Variants in RPS6KA2 observed in about 807,000 individuals in gnomAD.
RPS6KA2 encodes ribosomal protein S6 kinase alpha-2.
In RPS6KA2, 42 loss-of-function variants were observed where a neutral mutation model predicts 91.8. The observed-to-expected ratio is 0.46, with a 90% confidence interval of 0.36 to 0.59. The LOEUF is 0.59. Ranked by LOEUF, RPS6KA2 falls within the 20% of genes least tolerant of loss-of-function variation. The pLI is 0.00. For missense variants in RPS6KA2, 798 were observed against 978.5 expected (o/e 0.82, Z 2.46); for synonymous variants, 414 against 393.6 (o/e 1.05, Z -0.61).
In RPS6KA2 at chr6:166,553,673, T is replaced by C. The variant is rs143237702; in HGVS notation, c.100-14889A>G. Among the ~76,000 whole-genome samples, 301 of 152,182 alleles carry C rather than the reference T, an allele frequency of 2.0e-3. 1 individual carries two copies. The highest frequency in any genetic ancestry group is 7.0e-3 in the African/African-American group (291 of 41,512). ...AGTCAGCCCTGACTCAATGCTCACA[T>C]ATTATCACACGTGCGGCTCATCCCA... On this transcript the variant is annotated intron_variant, in intron 1 of 20. Transcript: ENST00000265678.
chr6:166,417,348 TC>T (rs1420315093), intron 19 of RPS6KA2, among the ~76,000 whole-genome samples: 2 of 152,202 alleles, frequency 1.3e-5, no homozygotes, highest in Non-Finnish European at 2.9e-5. Context: ...AAGGTGTTTT[TC>T]AGGATGTGGT....
At chr6:166,476,294 C>A (rs1269516017) in intron 10 of RPS6KA2, among the ~76,000 whole-genome samples, 1 of 152,200 alleles carries the variant, frequency 6.6e-6, no homozygotes, top group African/African-American at 2.4e-5. Flanking sequence ...GAGCTTGGAC[C>A]TCTGGCCTCC....
chr6:166,516,156 T>A (rs1486567360), intron 3 of RPS6KA2, among the ~76,000 whole-genome samples: 1 of 152,204 alleles, frequency 6.6e-6, no homozygotes, highest in Non-Finnish European at 1.5e-5. Context: ...ACTTTTTAAA[T>A]TAACTGAGAC....
At chr6:166,679,443 A>G (rs1348017194) in intron 2 of RPS6KA2, among the ~76,000 whole-genome samples, 1 of 152,160 alleles carries the variant, frequency 6.6e-6, no homozygotes, top group Non-Finnish European at 1.5e-5. Context: ...CAGCCTGGGC[A>G]ACAGAGTGAG....
Position 166,554,538 on chromosome 6 carries a change from A to G in RPS6KA2, c.100-15754T>C, listed in dbSNP as rs566333270. 6.6e-6 allele frequency among the ~76,000 whole-genome samples: 1 copy of G among 152,302 alleles called. No individual in the cohort carries two copies. Among genetic ancestry groups the G allele is most frequent in the Non-Finnish European group, 1.5e-5 (1 of 68,022 alleles). ...GTGCATCCTGTGTGGGGACAGAGAGAAACATTCAGGGACAAAACCTAAGTC... is the reference window on the plus strand; with the variant it reads ...GTGCATCCTGTGTGGGGACAGAGAGGAACATTCAGGGACAAAACCTAAGTC... On this transcript the variant is annotated intron_variant, in intron 1 of 20. Coordinates refer to ENST00000265678, the MANE Select transcript of RPS6KA2 (RefSeq NM_021135.6). This position sits in a 1 kb window ranked among gnomAD's most constrained non-coding sequence, Gnocchi z 4.3.
Position 166,831,652 on chromosome 6 carries a change from T to A in RPS6KA2, c.123+26548A>T, listed in dbSNP as rs138793360. 6.6e-5 allele frequency among the ~76,000 whole-genome samples: 10 copies of A among 151,550 alleles called. No homozygotes were observed. In the East Asian group the frequency reaches 1.9e-3, roughly 29 times the overall value. On this transcript the variant is annotated intron_variant, in intron 2 of 21. Coordinates refer to the RPS6KA2 transcript ENST00000503859. Reference sequence around the variant, plus strand: ...TCACCTTCCCTGGGCCTGGGCTCGGTAGCAAAAGACCACAGAGAGAAATTC... The same window carrying A: ...TCACCTTCCCTGGGCCTGGGCTCGGAAGCAAAAGACCACAGAGAGAAATTC...
chr6:166,711,279 G>A (rs1014240008), intron 2 of RPS6KA2, among the ~76,000 whole-genome samples: 2 of 134,252 alleles, frequency 1.5e-5, no homozygotes, highest in East Asian at 4.2e-4. Flanking sequence ...AGTCACGTGA[G>A]ACCCAGTCTG....
intron 2 of RPS6KA2, among the ~76,000 whole-genome samples, chr6:166,776,401 T>C (rs78770794): frequency 0.023 from 3,486 of 152,330 alleles, 154 homozygotes; most frequent in African/African-American, 0.08. Context: ...CCAGGTTAGA[T>C]TTCTTGTTTT....
chr6:166,559,420 TC>T (rs749941516), intron 1 of RPS6KA2, among the ~76,000 whole-genome samples: 7 of 152,302 alleles, frequency 4.6e-5, no homozygotes, highest in Non-Finnish European at 1.0e-4. Context: ...TTCCGACACT[TC>T]CTGAATGCCA....
chr6:166,601,676 C>T (rs1234793951), intron 1 of RPS6KA2, among the ~76,000 whole-genome samples: 3 of 152,056 alleles, frequency 2.0e-5, no homozygotes, highest in African/African-American at 7.2e-5. Context: ...ATAAGGGGCA[C>T]TAAAAAAATT....
intron 1 of RPS6KA2, among the ~76,000 whole-genome samples, chr6:166,566,789 A>T (rs753057942): frequency 3.3e-5 from 5 of 151,748 alleles, no homozygotes; most frequent in Non-Finnish European, 7.4e-5. Context: ...TGACAGCCCC[A>T]CTCCTGCACC....
At chr6:166,629,357 T>C (rs1787004950), upstream of RPS6KA2, among the ~76,000 whole-genome samples, 1 of 152,216 alleles carries the variant, frequency 6.6e-6, no homozygotes, top group South Asian at 2.1e-4. Context: ...TCTGACAAAA[T>C]TGGAAAGGAA....
intron 2 of RPS6KA2, among the ~76,000 whole-genome samples, chr6:166,689,139 C>T (rs1789120068): frequency 6.6e-6 from 1 of 152,256 alleles, no homozygotes; most frequent in South Asian, 2.1e-4. Flanking sequence ...GAGGCTGCGC[C>T]AAAAGCGCTC....
At chr6:166,583,817 G>A (rs985001647) in intron 1 of RPS6KA2, among the ~76,000 whole-genome samples, 1 of 152,170 alleles carries the variant, frequency 6.6e-6, no homozygotes, top group Non-Finnish European at 1.5e-5. Flanking sequence ...CAAACTGGCT[G>A]GTTCTCACGT....
intron 2 of RPS6KA2, among the ~76,000 whole-genome samples, chr6:166,856,088 A>G (rs1780894119): frequency 1.3e-5 from 2 of 152,176 alleles, no homozygotes; most frequent in African/African-American, 4.8e-5. Flanking sequence ...AAAAATAAAC[A>G]CTGTTGATGA....
chr6:166,762,416 C>T (rs767815821), intron 2 of RPS6KA2, among the ~76,000 whole-genome samples: 3 of 152,116 alleles, frequency 2.0e-5, no homozygotes, highest in African/African-American at 4.8e-5. Context: ...GCATGTTAAA[C>T]GGAGGACGGA....
intron 2 of RPS6KA2, among the ~76,000 whole-genome samples, chr6:166,682,959 A>C (rs963580828): frequency 2.0e-5 from 3 of 152,204 alleles, no homozygotes; most frequent in African/African-American, 7.2e-5. Context: ...GCATGAATGA[A>C]GTAGGTAAGT....
Position 166,563,716 on chromosome 6 carries a change from A to G in RPS6KA2, c.100-24932T>C, listed in dbSNP as rs1378324362. Reference sequence around the variant, plus strand: ...GAAGAAAATATTTAAGCCAATTTAAATATTTCAGCAATTGATAAGTAACTC... The same window carrying G: ...GAAGAAAATATTTAAGCCAATTTAAGTATTTCAGCAATTGATAAGTAACTC... On this transcript the variant is annotated intron_variant, in intron 1 of 20. Coordinates refer to ENST00000265678, the MANE Select transcript of RPS6KA2 (RefSeq NM_021135.6). This position sits in a 1 kb window ranked among gnomAD's most constrained non-coding sequence, Gnocchi z 4.1. 6.6e-6 allele frequency among the ~76,000 whole-genome samples: 1 copy of G among 152,234 alleles called. No individual in the cohort carries two copies. The highest frequency in any genetic ancestry group is 1.5e-5 in the Non-Finnish European group (1 of 68,046).
At chr6:166,460,092 G>C (rs936661055) in intron 11 of RPS6KA2, among the ~76,000 whole-genome samples, 4 of 152,346 alleles carry the variant, frequency 2.6e-5, no homozygotes, top group Admixed American at 2.0e-4. Context: ...CTGTGCTCTG[G>C]GGCCTTGGCA....
Sources: allele counts gnomAD v4.1 joint callset (sites outside exome capture counted in the v4.1 genomes callset), GRCh38; gene constraint gnomAD v4.1.1; non-coding constraint Gnocchi (gnomAD v3.1); transcripts MANE v1.5; gene names NCBI Gene and HGNC (gene_info 2026-07-23, HGNC 2026-07-21).